Variants in ST6GALNAC5 observed in about 807,000 individuals in gnomAD.
ST6GALNAC5 encodes ST6 N-acetylgalactosaminide alpha-2,6-sialyltransferase 5, also known as alpha-N-acetylgalactosaminide alpha-2,6-sialyltransferase 5.
ST6GALNAC5 carries 27 observed loss-of-function variants against 33.6 expected under a neutral mutation model. The observed-to-expected ratio is 0.80, with a 90% confidence interval of 0.59 to 1.11. The LOEUF (loss-of-function observed/expected upper bound fraction) is 1.11, where lower values mean the gene tolerates loss of function less well. Among genes scored for constraint, ST6GALNAC5 ranks in the 50% least tolerant of loss-of-function variants. ST6GALNAC5 has a pLI of 0.00. For missense variants in ST6GALNAC5, 428 were observed against 454.0 expected (o/e 0.94, Z 0.52); for synonymous variants, 194 against 171.2 (o/e 1.13, Z -1.04).
intron 2 of ST6GALNAC5, among the ~76,000 whole-genome samples, chr1:76,907,333 A>C (rs1386001689): frequency 6.6e-6 from 1 of 151,910 alleles, no homozygotes; most frequent in Non-Finnish European, 1.5e-5. Context: ...TCCTGTTCCT[A>C]TTATCTCTGA....
chr1:76,901,301 T>A (rs965431897), intron 2 of ST6GALNAC5, among the ~76,000 whole-genome samples: 1 of 152,200 alleles, frequency 6.6e-6, no homozygotes, highest in Non-Finnish European at 1.5e-5. Flanking sequence ...CTGGTCAGCC[T>A]TTTAGGGCTT....
intron 2 of ST6GALNAC5, among the ~76,000 whole-genome samples, chr1:76,971,387 G>A (rs187183668): frequency 2.0e-4 from 31 of 152,232 alleles, no homozygotes; most frequent in South Asian, 1.2e-3. Context: ...GCACACTTGC[G>A]TGGGATATTG....
chr1:77,023,507 G>A (rs1651126963), intron 2 of ST6GALNAC5, among the ~76,000 whole-genome samples: 1 of 152,112 alleles, frequency 6.6e-6, no homozygotes, highest in Non-Finnish European at 1.5e-5. Flanking sequence ...AGCAACTGGA[G>A]GTTTGTGCTG....
chr1:77,004,984 C>T (rs6603931), intron 2 of ST6GALNAC5, among the ~76,000 whole-genome samples: 2 of 148,522 alleles, frequency 1.3e-5, no homozygotes, highest in Admixed American at 6.7e-5. Flanking sequence ...AGCCTACAGA[C>T]GCAGGCAGGC....
chr1:76,874,758 A>T (rs1199590742), intron 2 of ST6GALNAC5, among the ~76,000 whole-genome samples: 1 of 152,176 alleles, frequency 6.6e-6, no homozygotes, highest in African/African-American at 2.4e-5. Context: ...ACCCACGAAG[A>T]CACACCCAGG....
intron 2 of ST6GALNAC5, among the ~76,000 whole-genome samples, chr1:77,016,516 C>T (rs764115576): frequency 6.6e-5 from 10 of 151,856 alleles, no homozygotes; most frequent in Non-Finnish European, 1.3e-4. Context: ...CACACTCAAA[C>T]ATCCCCCAAC....
chr1:76,958,499 C>T (rs1314439783), intron 2 of ST6GALNAC5, among the ~76,000 whole-genome samples: 2 of 151,350 alleles, frequency 1.3e-5, no homozygotes, highest in African/African-American at 4.8e-5. Flanking sequence ...TTTTCCTGTA[C>T]CAACAAAACC....
At chr1:76,973,708 C>T (rs1013510925) in intron 2 of ST6GALNAC5, among the ~76,000 whole-genome samples, 3 of 152,048 alleles carry the variant, frequency 2.0e-5, no homozygotes, top group African/African-American at 7.2e-5. Flanking sequence ...CCATTTTTAT[C>T]TCTAGTGCAT....
At position 76,916,188 on chromosome 1, in the gene ST6GALNAC5, T is replaced by C. The variant is rs910942462; in HGVS notation, c.261+47446T>C. Among the ~76,000 whole-genome samples, 4 of 152,086 alleles carry C rather than the reference T, an allele frequency of 2.6e-5. No homozygotes were observed. The East Asian group carries it at 7.7e-4, about 29-fold the overall frequency. On this transcript the variant is annotated intron_variant, in intron 2 of 4. Coordinates refer to ENST00000477717, the MANE Select transcript of ST6GALNAC5 (RefSeq NM_030965.3). The stretch of plus-strand genomic sequence containing the variant: ...GGTTCTCTTAAGTGTTTCTGAGACA[T>C]GAGTTTGCAGGTAGGAAGCTGGTAC...
At chr1:77,043,489 C>T (rs1230711185) in intron 2 of ST6GALNAC5, among the ~76,000 whole-genome samples, 4 of 152,290 alleles carry the variant, frequency 2.6e-5, no homozygotes, top group South Asian at 2.1e-4. Context: ...CTGAGCTTGA[C>T]GCTTTCTTTA....
At chr1:76,991,306 C>CTAA (rs1649719396) in intron 2 of ST6GALNAC5, among the ~76,000 whole-genome samples, 5 of 152,090 alleles carry the variant, frequency 3.3e-5, no homozygotes, top group Admixed American at 3.3e-4. Context: ...CAAGATTATT[C>CTAA]TAAAGAAAAC....
intron 2 of ST6GALNAC5, among the ~76,000 whole-genome samples, chr1:77,004,072 T>C (rs1372496593): frequency 6.8e-6 from 1 of 146,792 alleles, no homozygotes; most frequent in Non-Finnish European, 1.5e-5. Flanking sequence ...TCCTGGATAA[T>C]ATCCTGCAGA....
chr1:76,974,039 T>TA (rs948891955), intron 2 of ST6GALNAC5, among the ~76,000 whole-genome samples: 6 of 151,994 alleles, frequency 3.9e-5, no homozygotes, highest in Non-Finnish European at 7.4e-5. Flanking sequence ...TATATAAGAA[T>TA]AAAAAAACAA....
rs185656933 is a variant in ST6GALNAC5, at chr1:76,920,417, A to G, written c.261+51675A>G. Among the ~76,000 whole-genome samples, 99 of 152,328 alleles carry G rather than the reference A, an allele frequency of 6.5e-4. 2 individuals are homozygous for G. Among genetic ancestry groups the G allele is most frequent in the African/African-American group, 2.2e-3 (90 of 41,592 alleles). On this transcript the variant is annotated intron_variant, in intron 2 of 4. Transcript: ENST00000477717. ...CATGTGCCATAGAAACTGTGAAGAA[A>G]TTTAAATCTTAAAGTACTGATCTTT...
chr1:76,868,936 T>A lies in ST6GALNAC5; in HGVS notation c.261+194T>A. ...CTTATTTGGAGAAAGACACAAAGTTTTGTAGAAAATAGGGGTGAGGTGCGT... is the reference window on the plus strand; with the variant it reads ...CTTATTTGGAGAAAGACACAAAGTTATGTAGAAAATAGGGGTGAGGTGCGT... On this transcript the variant is annotated intron_variant, in intron 2 of 4. Transcript: ENST00000477717. This position sits in a 1 kb window ranked among gnomAD's most constrained non-coding sequence, Gnocchi z 4.3. The A allele has an allele frequency of 2.1e-6, 2 of 974,774 alleles. No individual in the cohort carries two copies. The highest frequency in any genetic ancestry group is 2.8e-6 in the Non-Finnish European group (2 of 704,196). 60.4% of individuals were successfully genotyped at this position (974,774 alleles called of 1,614,324 possible).
At chr1:76,910,377 T>C (rs1450287399) in intron 2 of ST6GALNAC5, among the ~76,000 whole-genome samples, 1 of 152,124 alleles carries the variant, frequency 6.6e-6, no homozygotes, top group Non-Finnish European at 1.5e-5. Flanking sequence ...GTGTGATTTT[T>C]TTAATCTTTG....
chr1:77,031,174 G>A (rs374335530), intron 2 of ST6GALNAC5, among the ~76,000 whole-genome samples: 3 of 152,342 alleles, frequency 2.0e-5, no homozygotes, highest in East Asian at 3.9e-4. Context: ...TCAATGATTA[G>A]CAAATGAGTA....
chr1:77,017,600 T>A (rs570469939), intron 2 of ST6GALNAC5, among the ~76,000 whole-genome samples: 3 of 152,352 alleles, frequency 2.0e-5, no homozygotes, highest in Admixed American at 2.0e-4. Flanking sequence ...TATCTTTATG[T>A]GTTTAAATGA....
intron 2 of ST6GALNAC5, among the ~76,000 whole-genome samples, chr1:77,006,667 G>C (rs781730809): frequency 2.6e-5 from 4 of 152,154 alleles, no homozygotes; most frequent in Non-Finnish European, 5.9e-5. Context: ...GTTATGATCA[G>C]ATAATTTGAG....
Sources: gnomAD v4.1 joint callset for allele counts (sites outside exome capture counted in the v4.1 genomes callset) on GRCh38, gnomAD v4.1.1 for gene constraint, Gnocchi (gnomAD v3.1) non-coding constraint, MANE v1.5 for transcripts, NCBI Gene and HGNC (gene_info 2026-07-23, HGNC 2026-07-21) for gene names.